The following EIF4E3 variants were observed in gnomAD, a reference collection of about 807,000 sequenced individuals.
EIF4E3 encodes the protein eukaryotic translation initiation factor 4E type 3.
EIF4E3 carries 26 observed loss-of-function variants against 31.7 expected under a neutral mutation model. The ratio of observed to expected loss-of-function variants is 0.82; its 90% confidence interval spans 0.60 to 1.14. The LOEUF is 1.14. Among genes scored for constraint, EIF4E3 ranks in the 50% most tolerant of loss-of-function variants. The pLI is 0.00. For missense variants in EIF4E3, 304 were observed against 270.9 expected (o/e 1.12, Z -0.86); for synonymous variants, 128 against 107.7 (o/e 1.19, Z -1.17).
At chr3:71,725,922 G>A (rs534912493), upstream of EIF4E3, among the ~76,000 whole-genome samples, 13 of 152,292 alleles carry the variant, frequency 8.5e-5, no homozygotes, top group African/African-American at 2.9e-4. The surrounding 1 kb of genome is among the most constrained non-coding windows in gnomAD (Gnocchi z 6.1). Flanking sequence ...ATGGAGGGCA[G>A]ATGGAAGCAC....
intron 1 of EIF4E3, among the ~76,000 whole-genome samples, chr3:71,722,141 G>A (rs1465711032): frequency 2.0e-5 from 3 of 152,144 alleles, no homozygotes; most frequent in Non-Finnish European, 2.9e-5. Context: ...AAGATTTCTG[G>A]GCTGGGCAAC....
At chr3:71,753,120 C>T (rs532076078) in intron 1 of EIF4E3, among the ~76,000 whole-genome samples, 7 of 152,216 alleles carry the variant, frequency 4.6e-5, no homozygotes, top group African/African-American at 1.4e-4. Flanking sequence ...ATCCCAGCTC[C>T]GCTACTTCCC....
intron 1 of EIF4E3, among the ~76,000 whole-genome samples, chr3:71,714,270 GA>G (rs1234197323): frequency 4.1e-4 from 48 of 116,030 alleles, no homozygotes; most frequent in African/African-American, 1.8e-3. Flanking sequence ...AGGAAGGAAG[GA>G]AAGAAGGAAG....
Position 71,675,538 on chromosome 3 carries a change from G to A in EIF4E3, c.*9144C>T, listed in dbSNP as rs1213941478. 1.3e-5 allele frequency: 2 copies of A among 152,136 alleles called. No homozygotes were observed. Among genetic ancestry groups the A allele is most frequent in the African/African-American group, 2.4e-5 (1 of 41,416 alleles). The allele number at this position is 152,136 out of a possible 1,614,324, so 9.4% of individuals were successfully genotyped here. On this transcript the variant is annotated 3_prime_UTR_variant, in exon 7 of 7. Coordinates refer to ENST00000425534, the MANE Select transcript of EIF4E3 (RefSeq NM_001134651.2). ...ACATGGAGTTGTCGCAAAGAAGCAG[G>A]TTAGAAAACATGCATTTTTTCCACA...
chr3:71,665,265 A>G, the EIF4E3 span, among the ~76,000 whole-genome samples: 1 of 152,240 alleles, frequency 6.6e-6, no homozygotes, highest in African/African-American at 2.4e-5. Flanking sequence ...ACGAGTTTCC[A>G]AGGATCAGCT....
intron 1 of EIF4E3, among the ~76,000 whole-genome samples, chr3:71,740,365 A>G (rs908775605): frequency 1.3e-5 from 2 of 152,216 alleles, no homozygotes; most frequent in African/African-American, 4.8e-5. Flanking sequence ...TTAAATATAA[A>G]GGCAACAATA....
chr3:71,730,594 A>G (rs2049695056), intron 1 of EIF4E3, among the ~76,000 whole-genome samples: 1 of 152,220 alleles, frequency 6.6e-6, no homozygotes, highest in Non-Finnish European at 1.5e-5. Flanking sequence ...GTGGTCATTG[A>G]GCCTGGAAAA....
upstream of EIF4E3, chr3:71,754,223 C>A: frequency 2.2e-6 from 3 of 1,370,684 alleles, no homozygotes; most frequent in South Asian, 1.4e-5. The surrounding 1 kb of genome is among the most constrained non-coding windows in gnomAD (Gnocchi z 5.8). Flanking sequence ...ACCTGCTGCT[C>A]GACCTGTGCC....
the EIF4E3 span, among the ~76,000 whole-genome samples, chr3:71,667,726 A>G: frequency 2.6e-5 from 4 of 152,230 alleles, no homozygotes; most frequent in Non-Finnish European, 4.4e-5. Flanking sequence ...AAGAAGAACT[A>G]CAAACCACTG....
At chr3:71,741,194 G>GCACACACACACACACA (rs147940981) in intron 1 of EIF4E3, among the ~76,000 whole-genome samples, 17 of 149,320 alleles carry the variant, frequency 1.1e-4, no homozygotes, top group African/African-American at 4.2e-4. Flanking sequence ...ACATGCACGC[G>GCACACACACACACACA]CACACACACA....
At position 71,679,766 on chromosome 3, in the gene EIF4E3, T is replaced by G. The variant is rs754436654; in HGVS notation, c.*4916A>C. ...CTAAGCTACGTTTTGAAAGTGACAA[T>G]TAATTTTAGTGGAAATTCATTCCCA... is the stretch of plus-strand genomic sequence containing the variant. On this transcript the variant is annotated 3_prime_UTR_variant, in exon 7 of 7. Coordinates refer to ENST00000425534, the MANE Select transcript of EIF4E3 (RefSeq NM_001134651.2). 2 of 152,240 alleles carry G rather than the reference T, an allele frequency of 1.3e-5. No homozygotes were observed. Among genetic ancestry groups the G allele is most frequent in the African/African-American group, 2.4e-5 (1 of 41,470 alleles). 9.4% of individuals were successfully genotyped at this position (152,240 alleles called of 1,614,324 possible). A position where few individuals can be genotyped will look rare whatever the true frequency, so the allele number is the denominator to read the frequency against.
At chr3:71,718,671 G>T (rs1432221257) in intron 1 of EIF4E3, among the ~76,000 whole-genome samples, 3 of 152,224 alleles carry the variant, frequency 2.0e-5, no homozygotes, top group Non-Finnish European at 4.4e-5. Context: ...ATTAAAAGCA[G>T]AAATGTTTTT....
intron 1 of EIF4E3, among the ~76,000 whole-genome samples, chr3:71,718,142 C>T (rs749237205): frequency 1.2e-4 from 18 of 152,228 alleles, no homozygotes; most frequent in Non-Finnish European, 2.2e-4. Flanking sequence ...GTTGGATTTA[C>T]AACATCGGGC....
At chr3:71,708,665 T>C (rs2049330219) in intron 2 of EIF4E3, among the ~76,000 whole-genome samples, 1 of 152,050 alleles carries the variant, frequency 6.6e-6, no homozygotes, top group Non-Finnish European at 1.5e-5. Context: ...GATGATCTAA[T>C]GTCATGTGGG....
chr3:71,754,369 T>G (rs1363087861), upstream of EIF4E3: 1 of 1,329,290 alleles, frequency 7.5e-7, no homozygotes, highest in Admixed American at 2.6e-5. This position sits in a 1 kb window ranked among gnomAD's most constrained non-coding sequence, Gnocchi z 5.8. Context: ...CTCTTCTGCT[T>G]CCACGCCGCC....
At chr3:71,724,833 C>A (rs1429815782) in intron 1 of EIF4E3, among the ~76,000 whole-genome samples, 2 of 152,208 alleles carry the variant, frequency 1.3e-5, no homozygotes, top group Admixed American at 6.5e-5. Flanking sequence ...CAGGACAGCC[C>A]TCTCCCTGCA....
At chr3:71,754,692 C>T, upstream of EIF4E3, 4 of 1,494,014 alleles carry the variant, frequency 2.7e-6, no homozygotes, top group Non-Finnish European at 3.5e-6. The surrounding 1 kb of genome is among the most constrained non-coding windows in gnomAD (Gnocchi z 5.8). Context: ...CCGCAAGATG[C>T]GGCCCGCGCG....
chr3:71,741,980 A>G (rs12492194), intron 1 of EIF4E3, among the ~76,000 whole-genome samples: 10,366 of 152,278 alleles, frequency 0.068, 383 homozygotes, highest in African/African-American at 0.08. Context: ...ATATAAAAAA[A>G]CACCTATCAA....
At chr3:71,738,830 A>G in intron 1 of EIF4E3, among the ~76,000 whole-genome samples, 1 of 151,926 alleles carries the variant, frequency 6.6e-6, no homozygotes, top group Non-Finnish European at 1.5e-5. Context: ...ATAGCACTTT[A>G]GCAGAACACA....
Sources: allele counts gnomAD v4.1 joint callset (sites outside exome capture counted in the v4.1 genomes callset), GRCh38; gene constraint gnomAD v4.1.1; non-coding constraint Gnocchi (gnomAD v3.1); transcripts MANE v1.5; gene names NCBI Gene and HGNC (gene_info 2026-07-23, HGNC 2026-07-21).